The following HACD4 variants were observed in gnomAD, a reference collection of about 807,000 sequenced individuals.
HACD4 encodes very-long-chain (3R)-3-hydroxyacyl-CoA dehydratase 4.
Under a neutral mutation model 33.3 loss-of-function variants are expected in HACD4, and 35 were observed. That is an observed-to-expected ratio of 1.05 (90% confidence interval 0.80 to 1.39). The LOEUF is 1.39. Among genes scored for constraint, HACD4 ranks in the 40% most tolerant of loss-of-function variants. The pLI is 0.00. For missense variants in HACD4, 323 were observed against 276.5 expected (o/e 1.17, Z -1.19); for synonymous variants, 118 against 98.0 (o/e 1.20, Z -1.21).
chr9:21,026,640 A>G lies in HACD4; in HGVS notation c.226T>C (p.Tyr76His). The change falls in exon 3 of 7, where the codon TAT becomes CAT. Residue 76 changes from tyrosine (Y) to histidine (H), a missense_variant. Coordinates refer to ENST00000495827, the MANE Select transcript of HACD4 (RefSeq NM_001010915.5). ...AGATGGTTTGACTCAATGCCAACAT[A>G]TATGTGCAGCAGTTCCAGGAGAGAT... Reference protein sequence around the residue: ...SVSLLELLHIYVGIESNHLLP... With the variant: ...SVSLLELLHIHVGIESNHLLP... The G allele has an allele frequency of 1.9e-6, 3 of 1,613,606 alleles. No homozygotes were observed. Among genetic ancestry groups the G allele is most frequent in the South Asian group, 1.1e-5 (1 of 91,060 alleles).
rs527265300 is a variant in HACD4, at chr9:21,030,205, C to T, written c.39-807G>A. On this transcript the variant is annotated intron_variant, in intron 1 of 6. Coordinates refer to ENST00000495827, the MANE Select transcript of HACD4 (RefSeq NM_001010915.5). ...CATGTAATCCCAGCACTTTGGGAGG[C>T]CAAGGCGGGTTGGATCACTTGAGGC... Among the ~76,000 whole-genome samples, 5 of 150,774 alleles carry T rather than the reference C, an allele frequency of 3.3e-5. No individual in the cohort carries two copies. In the East Asian group the frequency reaches 7.8e-4, roughly 24 times the overall value.
chr9:21,010,397 T>C (rs1452267696), intron 5 of HACD4, among the ~76,000 whole-genome samples: 1 of 149,218 alleles, frequency 6.7e-6, no homozygotes, highest in Non-Finnish European at 1.5e-5. Context: ...TCATTGAGCA[T>C]GTATACTGGT....
chr9:21,030,390 C>A (rs957534341), intron 1 of HACD4, among the ~76,000 whole-genome samples: 3 of 151,916 alleles, frequency 2.0e-5, no homozygotes, highest in East Asian at 3.9e-4. Context: ...TGCAGTGAAC[C>A]GAGACAGCGC....
chr9:21,018,721 A>T (rs1320174462), intron 3 of HACD4, among the ~76,000 whole-genome samples: 1 of 152,180 alleles, frequency 6.6e-6, no homozygotes, highest in Non-Finnish European at 1.5e-5. Context: ...AGTAAAAGGT[A>T]TAGTAAATAT....
intron 3 of HACD4, among the ~76,000 whole-genome samples, chr9:21,017,600 G>A (rs1001851560): frequency 2.0e-5 from 3 of 152,076 alleles, no homozygotes; most frequent in African/African-American, 7.2e-5. Flanking sequence ...TGGTTATTAG[G>A]AAAACCTTCT....
intron 2 of HACD4, 82 bp downstream of exon 2, chr9:21,029,213 T>C: frequency 3.9e-6 from 3 of 773,886 alleles, no homozygotes; most frequent in South Asian, 3.2e-5. Context: ...AAGGTTGAGG[T>C]GTGTAGAAAT....
Position 21,004,020 on chromosome 9 carries a change from T to G in HACD4, c.*3017A>C, listed in dbSNP as rs572716182. Reference sequence around the variant, plus strand: ...TTACTATTTTCATTAGGGTCTTCTCTTTTGAGATAGAGTCTCACTCTGTCA... The same window carrying G: ...TTACTATTTTCATTAGGGTCTTCTCGTTTGAGATAGAGTCTCACTCTGTCA... On this transcript the variant is annotated 3_prime_UTR_variant, in exon 7 of 7. Transcript: ENST00000495827. The surrounding 1 kb of genome is among the most constrained non-coding windows in gnomAD (Gnocchi z 4.6). 1.3e-5 allele frequency: 2 copies of G among 152,356 alleles called. No individual in the cohort carries two copies. The highest frequency in any genetic ancestry group is 1.3e-4 in the Admixed American group (2 of 15,302). 9.4% of individuals were successfully genotyped at this position (152,356 alleles called of 1,614,324 possible). A position where few individuals can be genotyped will look rare whatever the true frequency, so the allele number is the denominator to read the frequency against.
rs767336735 is a variant in HACD4 at position 21,007,070 on chromosome 9, G to A, written c.666C>T (p.Leu222=). 2.5e-5 allele frequency: 39 copies of A among 1,586,540 alleles called. 1 individual carries two copies. The highest frequency in any genetic ancestry group is 3.0e-5 in the Non-Finnish European group (35 of 1,155,294). The change falls in exon 7 of 7, where the codon CTC becomes CTT. Residue 222 remains leucine, a synonymous_variant. Transcript: ENST00000495827. ...TCTTTTTTTTAATGGGAAAGATTCC[G>A]AGGATGTCTCTTCTTTCTGAGTATA... The part of the protein sequence containing the change: ...SHLYSERRDI[L]GIFPIKKKKM
At chr9:21,025,880 G>C (rs1818048743) in intron 3 of HACD4, among the ~76,000 whole-genome samples, 1 of 152,184 alleles carries the variant, frequency 6.6e-6, no homozygotes, top group Non-Finnish European at 1.5e-5. Flanking sequence ...TACTTCATAA[G>C]ATACATGTTA....
At chr9:21,030,670 A>T (rs1257722866) in intron 1 of HACD4, among the ~76,000 whole-genome samples, 2 of 152,224 alleles carry the variant, frequency 1.3e-5, no homozygotes, top group East Asian at 3.9e-4. Context: ...GATTGAGGTT[A>T]GTATTAACAT....
rs1290932604 is a variant in HACD4, at chr9:21,022,811, G to A, written c.270+3785C>T. Among the ~76,000 whole-genome samples, 95 of 151,976 alleles carry A rather than the reference G, an allele frequency of 6.3e-4. 1 individual carries two copies. Among genetic ancestry groups the A allele is most frequent in the Admixed American group, 5.9e-3 (90 of 15,262 alleles). On this transcript the variant is annotated intron_variant, in intron 3 of 6. Coordinates refer to ENST00000495827, the MANE Select transcript of HACD4 (RefSeq NM_001010915.5). ...CAACCGTTGTGGAAGTCAGTGTGGC[G>A]ATTCCTCAAGGATCTAGAACTAGAA...
rs1292724361 is a variant in HACD4, at chr9:21,005,164, A to G, written c.*1873T>C. On this transcript the variant is annotated 3_prime_UTR_variant, in exon 7 of 7. Coordinates refer to ENST00000495827, the MANE Select transcript of HACD4 (RefSeq NM_001010915.5). This position sits in a 1 kb window ranked among gnomAD's most constrained non-coding sequence, Gnocchi z 4.0. The stretch of plus-strand genomic sequence containing the variant: ...GTTCATGTTCTAGTGTTTTGTGGAA[A>G]GTAAAATTGTGAGCCATGAAATTAG... 1 of 152,238 alleles carries G rather than the reference A, an allele frequency of 6.6e-6. No individual in the cohort carries two copies. The highest frequency in any genetic ancestry group is 2.4e-5 in the African/African-American group (1 of 41,470). 9.4% of individuals were successfully genotyped at this position (152,238 alleles called of 1,614,324 possible).
At chr9:21,013,104 G>C (rs545849568) in intron 4 of HACD4, among the ~76,000 whole-genome samples, 1 of 150,688 alleles carries the variant, frequency 6.6e-6, no homozygotes, top group South Asian at 2.1e-4. Flanking sequence ...TTTTGATGAA[G>C]TCCAATTTAT....
At position 21,006,743 on chromosome 9, in the gene HACD4, T is replaced by C. The variant is rs1842279907; in HGVS notation, c.*294A>G. On this transcript the variant is annotated 3_prime_UTR_variant, in exon 7 of 7. Coordinates refer to ENST00000495827, the MANE Select transcript of HACD4 (RefSeq NM_001010915.5). The surrounding 1 kb of genome is among the most constrained non-coding windows in gnomAD (Gnocchi z 4.6). ...TTGCAGCTAATCTCCTATTTCTCAT[T>C]AAACTTACAGGAAAATAATCAGACT... is the stretch of plus-strand genomic sequence containing the variant. 3.2e-6 allele frequency: 1 copy of C among 312,546 alleles called. No individual in the cohort carries two copies. Among genetic ancestry groups the C allele is most frequent in the Non-Finnish European group, 5.9e-6 (1 of 168,394 alleles). The allele number at this position is 312,546 out of a possible 1,614,324, so 19.4% of individuals were successfully genotyped here. A position where few individuals can be genotyped will look rare whatever the true frequency, so the allele number is the denominator to read the frequency against.
chr9:21,022,804 G>T (rs1336320350), intron 3 of HACD4, among the ~76,000 whole-genome samples: 1 of 152,070 alleles, frequency 6.6e-6, no homozygotes, highest in Non-Finnish European at 1.5e-5. Context: ...GTGGAAGTCA[G>T]TGTGGCGATT....
At chr9:21,027,517 G>C (rs1164858873) in intron 2 of HACD4, among the ~76,000 whole-genome samples, 1 of 152,094 alleles carries the variant, frequency 6.6e-6, no homozygotes, top group Non-Finnish European at 1.5e-5. Context: ...TCTCTTCTCG[G>C]CAGCTCCACA....
intron 2 of HACD4, among the ~76,000 whole-genome samples, chr9:21,027,777 G>A (rs941615676): frequency 6.6e-6 from 1 of 152,214 alleles, no homozygotes; most frequent in African/African-American, 2.4e-5. Context: ...TCTCCTGAAC[G>A]AATCGGTTGT....
In HACD4 at chr9:21,011,684, C is replaced by T. The variant is rs1276459745; in HGVS notation, c.395G>A (p.Ser132Asn). Residue 132 changes from serine (S) to asparagine (N), a missense_variant, in exon 5 of 7, where the codon AGC (serine) becomes AAC (asparagine). Ser to Asn is a conservative substitution (Grantham distance 46). Transcript: ENST00000495827. ...NLLDMVRYTY[S>N]MLSVIGISYA... is the part of the protein sequence containing the mutation. ...GGATATTCCTATGACTGATAACATG[C>T]TATAAGTGTACCTGAAAGGAGATGA... The T allele has an allele frequency of 1.3e-6, 2 of 1,592,378 alleles. No individual in the cohort carries two copies. Among genetic ancestry groups the T allele is most frequent in the Non-Finnish European group, 1.7e-6 (2 of 1,163,416 alleles).
In HACD4 at chr9:21,015,934, A is replaced by G. The variant is rs778605275; in HGVS notation, c.347T>C (p.Val116Ala). The change falls in exon 4 of 7, where the codon GTT (valine) becomes GCT (alanine). Residue 116 changes from valine (V) to alanine (A), a missense_variant. Val to Ala is a moderately conservative substitution (Grantham distance 64). Transcript: ENST00000495827. ...EEVQEKYVVC[V>A]LFVFWNLLDM... The stretch of plus-strand genomic sequence containing the variant: ...CAATAGATTCCAAAAGACGAATAAA[A>G]CACACACCACATATTTCTCTTGGAC... 44 of 1,612,974 alleles carry G rather than the reference A, an allele frequency of 2.7e-5. No homozygotes were observed. In the East Asian group the frequency reaches 9.4e-4, roughly 34 times the overall value.
Sources: gnomAD v4.1 joint callset for allele counts (sites outside exome capture counted in the v4.1 genomes callset) on GRCh38, gnomAD v4.1.1 for gene constraint, Gnocchi (gnomAD v3.1) non-coding constraint, MANE v1.5 for transcripts, NCBI Gene and HGNC (gene_info 2026-07-23, HGNC 2026-07-21) for gene names.